IGSF21: variants seen among roughly 807,000 people sequenced by gnomAD.
IGSF21 encodes the protein immunoglobin superfamily member 21.
IGSF21 carries 28 observed loss-of-function variants against 46.8 expected under a neutral mutation model. That is an observed-to-expected ratio of 0.60 (90% confidence interval 0.44 to 0.82). The LOEUF (loss-of-function observed/expected upper bound fraction) is 0.82. Among genes scored for constraint, IGSF21 ranks in the 40% least tolerant of loss-of-function variants. The probability of loss-of-function intolerance (pLI) is 0.00; values close to 1 mark genes in which losing one functional copy is unlikely to be tolerated. For synonymous variants in IGSF21, 284 were observed against 273.6 expected (o/e 1.04, Z -0.38); for missense variants, 624 against 665.5 (o/e 0.94, Z 0.69).
chr1:18,311,506 A>T (rs1190315841), intron 3 of IGSF21, among the ~76,000 whole-genome samples: 60 of 152,320 alleles, frequency 3.9e-4, no homozygotes, highest in Non-Finnish European at 2.9e-5. Context: ...AACCATGTGA[A>T]CAAGTGTCTT....
At chr1:18,170,813 G>A (rs139489022) in intron 1 of IGSF21, among the ~76,000 whole-genome samples, 49 of 152,210 alleles carry the variant, frequency 3.2e-4, no homozygotes, top group Non-Finnish European at 5.4e-4. Flanking sequence ...CTTCCAGGCT[G>A]CAGATTTGAG....
chr1:18,350,235 C>A lies in IGSF21; in HGVS notation c.425-11880C>A, dbSNP rs1321505516. Among the ~76,000 whole-genome samples, 9 of 152,150 alleles carry A rather than the reference C, an allele frequency of 5.9e-5. No homozygotes were observed. In the East Asian group the frequency reaches 1.7e-3, roughly 29 times the overall value. On this transcript the variant is annotated intron_variant, in intron 4 of 9. Coordinates refer to ENST00000251296, the MANE Select transcript of IGSF21 (RefSeq NM_032880.5). ...GCCCATGGCCAGGATGCCTCAAGAG[C>A]CAGATGGGCCAGGGGACTCTCCCTG...
intron 1 of IGSF21, among the ~76,000 whole-genome samples, chr1:18,176,001 G>T (rs1042890321): frequency 5.3e-5 from 8 of 152,210 alleles, no homozygotes; most frequent in Non-Finnish European, 1.2e-4. Flanking sequence ...GCATGCCGCT[G>T]GATGTGAGCT....
intron 1 of IGSF21, among the ~76,000 whole-genome samples, chr1:18,152,661 C>A (rs2086531316): frequency 6.6e-6 from 1 of 152,110 alleles, no homozygotes; most frequent in Non-Finnish European, 1.5e-5. Context: ...AGATTTTAGA[C>A]TTGAAGCTCC....
At chr1:18,207,605 T>C (rs2084342742) in intron 1 of IGSF21, among the ~76,000 whole-genome samples, 2 of 152,352 alleles carry the variant, frequency 1.3e-5, no homozygotes, top group South Asian at 4.1e-4. Flanking sequence ...TTCCTAAAAG[T>C]GTTTTGCATG....
At chr1:18,278,670 C>T (rs906467776) in intron 2 of IGSF21, among the ~76,000 whole-genome samples, 1 of 151,918 alleles carries the variant, frequency 6.6e-6, no homozygotes, top group Non-Finnish European at 1.5e-5. Context: ...CCTTCCACTG[C>T]AGCCTCCTGA....
intron 1 of IGSF21, among the ~76,000 whole-genome samples, chr1:18,129,074 C>T (rs1311895885): frequency 1.3e-5 from 2 of 152,116 alleles, no homozygotes; most frequent in Non-Finnish European, 2.9e-5. Context: ...TCCGTGCATC[C>T]GTTTTGTAGC....
At chr1:18,267,692 T>A (rs1220762170) in intron 2 of IGSF21, among the ~76,000 whole-genome samples, 2 of 152,156 alleles carry the variant, frequency 1.3e-5, no homozygotes, top group East Asian at 3.9e-4. Flanking sequence ...GGGCCCTAGG[T>A]GGAGGCTGCT....
intron 4 of IGSF21, among the ~76,000 whole-genome samples, chr1:18,355,164 G>C (rs1230481207): frequency 6.6e-6 from 1 of 152,182 alleles, no homozygotes; most frequent in Non-Finnish European, 1.5e-5. Context: ...TCATGGAAGA[G>C]TATTTAACTC....
intron 3 of IGSF21, among the ~76,000 whole-genome samples, chr1:18,305,350 GATGGATAGATGC>G (rs1003464963): frequency 2.6e-5 from 4 of 151,440 alleles, no homozygotes; most frequent in African/African-American, 9.7e-5. Context: ...TGCATGGATA[GATGGATAGATGC>G]ATGGACGGAT....
intron 3 of IGSF21, among the ~76,000 whole-genome samples, chr1:18,301,931 T>C (rs367929182): frequency 6.6e-6 from 1 of 152,202 alleles, no homozygotes; most frequent in African/African-American, 2.4e-5. Flanking sequence ...TTCTCTGCTC[T>C]CTTGGCTGGT....
intron 1 of IGSF21, among the ~76,000 whole-genome samples, chr1:18,158,543 G>A (rs934152090): frequency 2.6e-5 from 4 of 152,100 alleles, no homozygotes; most frequent in Admixed American, 6.5e-5. Context: ...CCAGGGCAGC[G>A]TCGGGGAACA....
intron 1 of IGSF21, among the ~76,000 whole-genome samples, chr1:18,158,404 T>G (rs2086586756): frequency 1.3e-5 from 2 of 152,122 alleles, no homozygotes; most frequent in South Asian, 4.1e-4. Flanking sequence ...TACTGTGCGG[T>G]AGGAACGAAG....
chr1:18,154,360 T>G (rs2086549490), intron 1 of IGSF21, among the ~76,000 whole-genome samples: 1 of 152,058 alleles, frequency 6.6e-6, no homozygotes, highest in Admixed American at 6.5e-5. Context: ...TCAGCCCTCT[T>G]TCCTATATCA....
chr1:18,150,879 C>T (rs2086516124), intron 1 of IGSF21, among the ~76,000 whole-genome samples: 1 of 152,214 alleles, frequency 6.6e-6, no homozygotes, highest in Non-Finnish European at 1.5e-5. Context: ...AGAGTGGCCC[C>T]TGAGCTGATG....
At chr1:18,165,476 T>G (rs2086669338) in intron 1 of IGSF21, among the ~76,000 whole-genome samples, 1 of 152,182 alleles carries the variant, frequency 6.6e-6, no homozygotes, top group African/African-American at 2.4e-5. Flanking sequence ...TTTAGGCCAA[T>G]TACTTCTCTA....
intron 2 of IGSF21, among the ~76,000 whole-genome samples, chr1:18,229,521 C>T (rs1453498955): frequency 6.6e-6 from 1 of 152,182 alleles, no homozygotes; most frequent in Non-Finnish European, 1.5e-5. Context: ...GTGATCTGCA[C>T]TCCTTCTAAC....
chr1:18,232,221 T>C, intron 2 of IGSF21, among the ~76,000 whole-genome samples: 1 of 150,708 alleles, frequency 6.6e-6, no homozygotes. Flanking sequence ...TTTTTTTGGC[T>C]AATAGAGTAG....
At chr1:18,276,233 C>T (rs139805550) in intron 2 of IGSF21, among the ~76,000 whole-genome samples, 2 of 152,192 alleles carry the variant, frequency 1.3e-5, no homozygotes, top group African/African-American at 4.8e-5. Context: ...CTAATGCTTC[C>T]CCTGGTGTCT....
Sources: gnomAD v4.1 joint callset for allele counts (sites outside exome capture counted in the v4.1 genomes callset) on GRCh38, gnomAD v4.1.1 for gene constraint, MANE v1.5 for transcripts, NCBI Gene and HGNC (gene_info 2026-07-23, HGNC 2026-07-21) for gene names.